The following TNFRSF10A variants were observed in gnomAD, a reference collection of about 807,000 sequenced individuals.
The protein encoded by TNFRSF10A is TNF receptor superfamily member 10a.
A neutral mutation model predicts 42.8 loss-of-function variants in TNFRSF10A; 44 were observed. That is an observed-to-expected ratio of 1.03 (90% CI 0.81 to 1.32). The LOEUF is 1.32. Ranked by LOEUF, TNFRSF10A falls within the 40% of genes most tolerant of loss-of-function variation. The pLI, the probability that TNFRSF10A is intolerant of heterozygous loss-of-function variation, is 0.00. For synonymous variants in TNFRSF10A, 259 were observed against 234.2 expected (o/e 1.11, Z -0.97); for missense variants, 680 against 602.0 (o/e 1.13, Z -1.36).
chr8:23,210,675 C>T (rs1329823166), intron 2 of TNFRSF10A, among the ~76,000 whole-genome samples: 2 of 152,008 alleles, frequency 1.3e-5, no homozygotes, highest in Non-Finnish European at 2.9e-5. Context: ...GAGTGAGACT[C>T]CATCTCAAAA....
At chr8:23,216,501 T>TGG (rs1371733102) in intron 1 of TNFRSF10A, among the ~76,000 whole-genome samples, 3 of 152,046 alleles carry the variant, frequency 2.0e-5, no homozygotes, top group East Asian at 3.9e-4. Context: ...CCCAGCACTT[T>TGG]GGGAGGCCGA....
At chr8:23,199,545 G>A in intron 7 of TNFRSF10A, 97 bp from the exon 8 acceptor site, 1 of 1,429,786 alleles carries the variant, frequency 7.0e-7, no homozygotes, top group Admixed American at 2.0e-5. Context: ...CCCCCTCCCA[G>A]TGAGGTCACT....
At chr8:23,209,184 T>C (rs940787821) in intron 2 of TNFRSF10A, among the ~76,000 whole-genome samples, 7 of 152,220 alleles carry the variant, frequency 4.6e-5, no homozygotes, top group Non-Finnish European at 7.3e-5. Flanking sequence ...AAGTCAAGAA[T>C]TGAGGTTTGG....
chr8:23,222,770 C>G (rs1023732394), intron 1 of TNFRSF10A, among the ~76,000 whole-genome samples: 1 of 152,142 alleles, frequency 6.6e-6, no homozygotes, highest in South Asian at 2.1e-4. Context: ...GTGCCATAAC[C>G]GCCCCCTCCC....
chr8:23,219,132 T>C (rs1374129027), intron 1 of TNFRSF10A, among the ~76,000 whole-genome samples: 3 of 152,108 alleles, frequency 2.0e-5, no homozygotes, highest in East Asian at 1.9e-4. Context: ...TTCCTGATAG[T>C]TATTTAGGTC....
rs1378481053 is a variant in TNFRSF10A, at chr8:23,219,096, G to C, written c.306+5660C>G. On this transcript the variant is annotated intron_variant, in intron 1 of 9. Coordinates refer to ENST00000221132, the MANE Select transcript of TNFRSF10A (RefSeq NM_003844.4). Reference sequence around the variant, plus strand: ...AGCCGGCACAGCCTCTCTGGAGGTGGGGGGTGGGGGAGGTGGCCCCCATGC... The same window carrying C: ...AGCCGGCACAGCCTCTCTGGAGGTGCGGGGTGGGGGAGGTGGCCCCCATGC... 1.8e-3 allele frequency among the ~76,000 whole-genome samples: 277 copies of C among 152,250 alleles called. 2 individuals are homozygous for C. Among genetic ancestry groups the C allele is most frequent in the African/African-American group, 6.5e-3 (269 of 41,530 alleles).
intron 1 of TNFRSF10A, among the ~76,000 whole-genome samples, chr8:23,218,287 G>T (rs371911159): frequency 8.2e-4 from 125 of 152,160 alleles, no homozygotes; most frequent in African/African-American, 2.9e-3. Context: ...TTCACCAGGG[G>T]GTTTCCTTGC....
chr8:23,195,495 A>G (rs1005854845), intron 9 of TNFRSF10A, among the ~76,000 whole-genome samples: 4 of 152,222 alleles, frequency 2.6e-5, no homozygotes, highest in African/African-American at 9.6e-5. Context: ...GTGTTTGCTT[A>G]CATATGGTTA....
chr8:23,224,600 G>A, intron 1 of TNFRSF10A, 156 bp downstream of exon 1: 2 of 1,049,726 alleles, frequency 1.9e-6, no homozygotes, highest in Non-Finnish European at 2.7e-6. Flanking sequence ...CGGGGACCCC[G>A]TTCTTCCTCC....
At chr8:23,220,127 C>G (rs1006233758) in intron 1 of TNFRSF10A, among the ~76,000 whole-genome samples, 2 of 152,216 alleles carry the variant, frequency 1.3e-5, no homozygotes, top group Non-Finnish European at 2.9e-5. Context: ...CCCATTATCA[C>G]AGATACCTGC....
intron 1 of TNFRSF10A, among the ~76,000 whole-genome samples, chr8:23,215,693 T>C (rs1801168314): frequency 6.6e-6 from 1 of 152,236 alleles, no homozygotes; most frequent in Non-Finnish European, 1.5e-5. Flanking sequence ...GGCATAAAGT[T>C]ATTCATAAGA....
intron 1 of TNFRSF10A, among the ~76,000 whole-genome samples, chr8:23,220,282 G>A (rs776174084): frequency 6.6e-6 from 1 of 152,224 alleles, no homozygotes; most frequent in Non-Finnish European, 1.5e-5. Context: ...ACATCCCTGG[G>A]TTAGGAAAAT....
rs1160371583 is a variant in TNFRSF10A, at chr8:23,219,094, TG to T, written c.306+5661del. On this transcript the variant is annotated intron_variant, in intron 1 of 9. Transcript: ENST00000221132. ...GGAGCCGGCACAGCCTCTCTGGAGG[TG>T]GGGGGTGGGGGAGGTGGCCCCCATG... Among the ~76,000 whole-genome samples, 5 of 149,174 alleles carry T rather than the reference TG, an allele frequency of 3.4e-5. No individual in the cohort carries two copies. In the East Asian group the frequency reaches 1.0e-3, roughly 30 times the overall value.
At chr8:23,208,755 C>T (rs977081166) in intron 2 of TNFRSF10A, among the ~76,000 whole-genome samples, 1 of 152,054 alleles carries the variant, frequency 6.6e-6, no homozygotes, top group Admixed American at 6.5e-5. Context: ...CGCGCCTGGC[C>T]GGCATTCAGT....
intron 4 of TNFRSF10A, 92 bp from the exon 5 acceptor site, chr8:23,200,852 C>A: frequency 8.3e-7 from 1 of 1,199,666 alleles, no homozygotes; most frequent in Non-Finnish European, 1.2e-6. Flanking sequence ...CCCAATGTCC[C>A]TGAGAAGGCG....
At chr8:23,213,002 G>A (rs1026604280) in intron 1 of TNFRSF10A, among the ~76,000 whole-genome samples, 5 of 152,190 alleles carry the variant, frequency 3.3e-5, no homozygotes, top group African/African-American at 1.2e-4. Context: ...TTTGGTAGAC[G>A]TCATCATTGA....
intron 1 of TNFRSF10A, among the ~76,000 whole-genome samples, chr8:23,214,283 C>T (rs544645782): frequency 6.6e-5 from 10 of 152,098 alleles, no homozygotes; most frequent in African/African-American, 2.2e-4. Flanking sequence ...GTCAGGAGAT[C>T]GAGACCATCC....
chr8:23,198,972 A>C (rs1342533621), intron 8 of TNFRSF10A, among the ~76,000 whole-genome samples: 1 of 152,362 alleles, frequency 6.6e-6, no homozygotes, highest in African/African-American at 2.4e-5. Flanking sequence ...CTTCTGTAGG[A>C]GCACACAGTG....
At chr8:23,219,661 C>T (rs1801230451) in intron 1 of TNFRSF10A, among the ~76,000 whole-genome samples, 3 of 152,220 alleles carry the variant, frequency 2.0e-5, no homozygotes, top group Admixed American at 2.0e-4. Flanking sequence ...GCAGCCTAAG[C>T]CCTGAAAAAC....
Sources: allele counts gnomAD v4.1 joint callset (sites outside exome capture counted in the v4.1 genomes callset), GRCh38; gene constraint gnomAD v4.1.1; transcripts MANE v1.5; gene names NCBI Gene and HGNC (gene_info 2026-07-23, HGNC 2026-07-21).